The following KIR3DL2 variants were observed in gnomAD, a reference collection of about 807,000 sequenced individuals.
The protein encoded by KIR3DL2 is killer cell immunoglobulin like receptor, three Ig domains and long cytoplasmic tail 2.
KIR3DL2 carries 42 observed loss-of-function variants against 41.6 expected under a neutral mutation model. The observed-to-expected ratio is 1.01, with a 90% CI of 0.79 to 1.31. The LOEUF (loss-of-function observed/expected upper bound fraction) is 1.31, where lower values mean the gene tolerates loss of function less well. KIR3DL2 is among the 50% of genes most tolerant of loss of function. KIR3DL2 has a pLI of 0.00. For synonymous variants in KIR3DL2, 230 were observed against 221.3 expected (o/e 1.04, Z -0.35); for missense variants, 728 against 576.8 (o/e 1.26, Z -2.68).
rs1221324940 is a variant in KIR3DL2, at chr19:54,853,816, T to A, written c.425T>A (p.Leu142Gln). Residue 142 changes from leucine (L) to glutamine (Q), a missense_variant, in exon 4 of 9, where the codon CTG (leucine) becomes CAG (glutamine). Physicochemically the swap from Leu to Gln is moderately radical, Grantham distance 113. Transcript: ENST00000326321. ...CTGAAATCAGGAGAGACAGTCATCC[T>A]GCAATGTTGGTCAGATGTCATGTTT... ...PLLKSGETVI[L>Q]QCWSDVMFEH... The A allele has an allele frequency of 4.1e-4, 655 of 1,612,814 alleles. 17 individuals carry two copies. In the African/African-American group the frequency reaches 8.1e-3, roughly 20 times the overall value.
Position 54,863,541 on chromosome 19 carries a change from C to T in KIR3DL2, c.1001-2264C>T, listed in dbSNP as rs575685295. Among the ~76,000 whole-genome samples the T allele has an allele frequency of 1.1e-3, 168 of 152,090 alleles. 2 individuals carry two copies. In the East Asian group the frequency reaches 0.022, roughly 19 times the overall value. ...TGTTGTTTCCCGACTTTTTAATGAT[C>T]GCCATTCTAACTGGTGTGAGATGGT... is the stretch of plus-strand genomic sequence containing the variant. On this transcript the variant is annotated intron_variant, in intron 6 of 8. Coordinates refer to ENST00000326321, the MANE Select transcript of KIR3DL2 (RefSeq NM_006737.4).
In KIR3DL2 at chr19:54,865,837, A is replaced by G. The variant is rs1487760590; in HGVS notation, c.1033A>G (p.Thr345Ala). The change falls in exon 7 of 9, where the codon ACC (threonine) becomes GCC (alanine). Residue 345 changes from threonine (T) to alanine (A), a missense_variant. Transcript: ENST00000326321. ...ICRHLHVLIGTSVVIFLFILL... is the reference protein window; with the variant it reads ...ICRHLHVLIGASVVIFLFILL... ...CAGACACCTGCATGTTCTGATTGGG[A>G]CCTCAGTGGTCATCTTCCTCTTCAT... The G allele has an allele frequency of 6.2e-7, 1 of 1,613,124 alleles. No individual in the cohort carries two copies.
chr19:54,859,620 T>C (rs2145671062), intron 6 of KIR3DL2, among the ~76,000 whole-genome samples: 1 of 151,934 alleles, frequency 6.6e-6, no homozygotes, highest in Non-Finnish European at 1.5e-5. Flanking sequence ...CAGTGACTCA[T>C]TCAGCCACAG....
At chr19:54,857,919 C>T (rs1306579571) in intron 5 of KIR3DL2, among the ~76,000 whole-genome samples, 5 of 151,740 alleles carry the variant, frequency 3.3e-5, no homozygotes, top group Non-Finnish European at 7.4e-5. Flanking sequence ...TGATGCTGAG[C>T]ACTTTTTCAT....
intron 5 of KIR3DL2, among the ~76,000 whole-genome samples, chr19:54,857,102 T>G (rs1244506994): frequency 4.6e-5 from 7 of 151,636 alleles, no homozygotes; most frequent in African/African-American, 1.7e-4. Flanking sequence ...TTTTTTTTCT[T>G]TTTTGAGAAA....
At position 54,865,610 on chromosome 19, in the gene KIR3DL2, G is replaced by T. The variant is rs140819544; in HGVS notation, c.1001-195G>T. Among the ~76,000 whole-genome samples, 795 of 152,208 alleles carry T rather than the reference G, an allele frequency of 5.2e-3. 11 individuals carry two copies. The highest frequency in any genetic ancestry group is 0.019 in the African/African-American group (772 of 41,546). Reference sequence around the variant, plus strand: ...AGGGTCAAACATCTAAACTAAAGCAGCTGTATCCTCAGCATGTTCTATGGT... The same window carrying T: ...AGGGTCAAACATCTAAACTAAAGCATCTGTATCCTCAGCATGTTCTATGGT... On this transcript the variant is annotated intron_variant, in intron 6 of 8. Transcript: ENST00000326321.
At chr19:54,863,099 T>C (rs927076748) in intron 6 of KIR3DL2, among the ~76,000 whole-genome samples, 19 of 143,490 alleles carry the variant, frequency 1.3e-4, no homozygotes, top group African/African-American at 4.1e-4. Flanking sequence ...AGTGAGAACA[T>C]GCGGTGTTTG....
chr19:54,852,329 C>A, intron 3 of KIR3DL2, 47 bp downstream of exon 3: 1 of 1,587,734 alleles, frequency 6.3e-7, no homozygotes, highest in Non-Finnish European at 8.5e-7. Context: ...CCTCCTGAAT[C>A]CCAGAGCTTC....
chr19:54,865,751 C>T, intron 6 of KIR3DL2, 54 bp from the exon 7 acceptor site: 9 of 1,437,658 alleles, frequency 6.3e-6, no homozygotes, highest in South Asian at 3.4e-5. Flanking sequence ...TGAGACAATC[C>T]ATAAAGAGGA....
chr19:54,865,040 C>T (rs2065410915), intron 6 of KIR3DL2, among the ~76,000 whole-genome samples: 1 of 151,968 alleles, frequency 6.6e-6, no homozygotes, highest in Admixed American at 6.6e-5. Context: ...CCATCAATGC[C>T]TAATTTATTG....
chr19:54,867,022 C>G lies in KIR3DL2; in HGVS notation c.*291C>G. The stretch of plus-strand genomic sequence containing the variant: ...GGCTGCAATCACACTGAGGAACTCA[C>G]AATTCCAAACATACAAGAGGCTCCC... On this transcript the variant is annotated 3_prime_UTR_variant, in exon 9 of 9. Transcript: ENST00000326321. 1 of 490,252 alleles carries G rather than the reference C, an allele frequency of 2.0e-6. No homozygotes were observed. The highest frequency in any genetic ancestry group is 3.6e-6 in the Non-Finnish European group (1 of 276,504). The allele number at this position is 490,252 out of a possible 1,614,324, so 30.4% of individuals were successfully genotyped here. A position where few individuals can be genotyped will look rare whatever the true frequency, so the allele number is the denominator to read the frequency against.
At chr19:54,860,676 A>T (rs1255032671) in intron 6 of KIR3DL2, among the ~76,000 whole-genome samples, 1 of 150,434 alleles carries the variant, frequency 6.6e-6, no homozygotes, top group Non-Finnish European at 1.5e-5. Flanking sequence ...GGCCAAGCCA[A>T]ATTTTCAAAT....
In KIR3DL2 at chr19:54,866,678, A is replaced by G; in HGVS notation, c.1315A>G (p.Lys439Glu). 1 of 1,613,952 alleles carries G rather than the reference A, an allele frequency of 6.2e-7. No individual in the cohort carries two copies. ...TELPNAEPRS[K>E]VVSCPRAPQS... ...ACTTCCAAATGCTGAGCCCAGATCCAAAGTTGTCTCCTGCCCACGAGCACC... is the reference window on the plus strand; with the variant it reads ...ACTTCCAAATGCTGAGCCCAGATCCGAAGTTGTCTCCTGCCCACGAGCACC... The change falls in exon 9 of 9, where the codon AAA (lysine) becomes GAA (glutamate). Residue 439 changes from lysine (K) to glutamate (E), a missense_variant. Physicochemically the swap from Lys to Glu is moderately conservative, Grantham distance 56. Transcript: ENST00000326321.
At chr19:54,864,125 A>G (rs1164679148) in intron 6 of KIR3DL2, among the ~76,000 whole-genome samples, 1 of 152,076 alleles carries the variant, frequency 6.6e-6, no homozygotes, top group Non-Finnish European at 1.5e-5. Flanking sequence ...TCCTTTCCCC[A>G]TTGCTTGTTT....
chr19:54,862,866 T>G (rs2065274511), intron 6 of KIR3DL2, among the ~76,000 whole-genome samples: 1 of 148,948 alleles, frequency 6.7e-6, no homozygotes, highest in Non-Finnish European at 1.5e-5. Flanking sequence ...ATTTTTATTA[T>G]TATTATACTT....
chr19:54,861,399 A>G (rs1232516252), intron 6 of KIR3DL2, among the ~76,000 whole-genome samples: 1 of 152,270 alleles, frequency 6.6e-6, no homozygotes, highest in East Asian at 1.9e-4. Flanking sequence ...GTAACCCAGC[A>G]CTTCAGGAGG....
At chr19:54,851,570 C>G (rs1361595196) in intron 2 of KIR3DL2, among the ~76,000 whole-genome samples, 1 of 151,496 alleles carries the variant, frequency 6.6e-6, no homozygotes, top group Non-Finnish European at 1.5e-5. Context: ...AACTGACACC[C>G]TCCAGCGTTT....
Position 54,858,053 on chromosome 19 carries a change from C to T in KIR3DL2, c.950-1026C>T, listed in dbSNP as rs1425157369. ...TTCTTATATTTCCAGTTATTAATCC[C>T]ATCTCAGATGAATAGTTTGCAAATA... On this transcript the variant is annotated intron_variant, in intron 5 of 8. Transcript: ENST00000326321. Among the ~76,000 whole-genome samples the T allele has an allele frequency of 3.3e-5, 5 of 151,738 alleles. No individual in the cohort carries two copies. In the East Asian group the frequency reaches 7.7e-4, roughly 23 times the overall value.
chr19:54,854,078 A>T lies in KIR3DL2; in HGVS notation c.655+32A>T, dbSNP rs780689905. 3.1e-6 allele frequency: 5 copies of T among 1,608,266 alleles called. No homozygotes were observed. The African/African-American group carries it at 6.7e-5, about 22-fold the overall frequency. On this transcript the variant is annotated intron_variant, in intron 4 of 8. Coordinates refer to ENST00000326321, the MANE Select transcript of KIR3DL2 (RefSeq NM_006737.4). ...GTGTCCAGACATTCTTCTCATTGTC[A>T]TTGGGACACAGAGTGAATGATCCAG...
Sources: allele counts gnomAD v4.1 joint callset (sites outside exome capture counted in the v4.1 genomes callset), GRCh38; gene constraint gnomAD v4.1.1; transcripts MANE v1.5; gene names NCBI Gene and HGNC (gene_info 2026-07-23, HGNC 2026-07-21).